LPP: variants seen among roughly 807,000 people sequenced by gnomAD.
LPP encodes lipoma-preferred partner.
A neutral mutation model predicts 60.4 loss-of-function variants in LPP; 38 were observed. That is an observed-to-expected ratio of 0.63 (90% confidence interval 0.49 to 0.83). The LOEUF (loss-of-function observed/expected upper bound fraction) is 0.83, where lower values mean the gene tolerates loss of function less well. Ranked by LOEUF, LPP falls within the 40% of genes least tolerant of loss-of-function variation. LPP has a pLI of 0.00. For synonymous variants in LPP, 328 were observed against 290.8 expected, an observed-to-expected ratio of 1.13 and a Z score of -1.30; for missense variants, 902 against 783.6, an observed-to-expected ratio of 1.15 and a Z score of -1.80.
At chr3:188,439,001 A>G (rs1403779601) in intron 4 of LPP, among the ~76,000 whole-genome samples, 3 of 152,240 alleles carry the variant, frequency 2.0e-5, no homozygotes, top group African/African-American at 7.2e-5. Flanking sequence ...CAGAGTATGT[A>G]TGGTCATTCT....
chr3:188,382,593 T>C (rs1469500913), intron 3 of LPP, among the ~76,000 whole-genome samples: 4 of 152,242 alleles, frequency 2.6e-5, no homozygotes. Flanking sequence ...TCCCACTCTC[T>C]GGGTTAACTC....
intron 7 of LPP, among the ~76,000 whole-genome samples, chr3:188,672,840 C>T (rs1339214284): frequency 6.6e-6 from 1 of 152,120 alleles, no homozygotes; most frequent in Non-Finnish European, 1.5e-5. Context: ...AGGTCTAAAC[C>T]CTGGGAGGAG....
At chr3:188,754,393 T>C (rs1225209736) in intron 8 of LPP, among the ~76,000 whole-genome samples, 1 of 152,244 alleles carries the variant, frequency 6.6e-6, no homozygotes, top group African/African-American at 2.4e-5. Context: ...ACATGTATTA[T>C]GATGCGTTAG....
intron 2 of LPP, among the ~76,000 whole-genome samples, chr3:188,230,134 A>G (rs188483728): frequency 6.6e-6 from 1 of 151,950 alleles, no homozygotes; most frequent in East Asian, 1.9e-4. Context: ...TTGCCAGGCC[A>G]GAGTGCGGTG....
intron 6 of LPP, chr3:188,562,439 C>T (rs1830955552): frequency 1.3e-5 from 2 of 151,952 alleles, no homozygotes; most frequent in Non-Finnish European, 2.9e-5. Context: ...TGAAGTCAAT[C>T]CTAGAAAGGA....
In LPP at chr3:188,406,007, T is replaced by C. The variant is rs546707656; in HGVS notation, c.-9-105T>C. 2.5e-5 allele frequency: 23 copies of C among 914,752 alleles called. No individual in the cohort carries two copies. In the South Asian group the frequency reaches 4.9e-4, roughly 19 times the overall value. 56.7% of individuals were successfully genotyped at this position (914,752 alleles called of 1,614,324 possible). On this transcript the variant is annotated intron_variant, in intron 3 of 11. Coordinates refer to ENST00000617246, the MANE Select transcript of LPP (RefSeq NM_001375462.1). ...TTTCACCCTTCTTTCCAGAGAACTTTATCAGGATGCATTTAGTATGGATTA... is the reference window on the plus strand; with the variant it reads ...TTTCACCCTTCTTTCCAGAGAACTTCATCAGGATGCATTTAGTATGGATTA...
intron 6 of LPP, among the ~76,000 whole-genome samples, chr3:188,566,702 GT>G: frequency 6.6e-6 from 1 of 151,944 alleles, no homozygotes; most frequent in Non-Finnish European, 1.5e-5. Context: ...TGCTTGAGTT[GT>G]GTGTTTTTTA....
chr3:188,346,230 G>C (rs1764314045), intron 3 of LPP, among the ~76,000 whole-genome samples: 2 of 148,066 alleles, frequency 1.4e-5, no homozygotes, highest in South Asian at 2.1e-4. Flanking sequence ...TCTGTCCAGG[G>C]ACCTGCCTAA....
At chr3:188,175,981 T>A (rs907951164) in intron 1 of LPP, among the ~76,000 whole-genome samples, 1 of 152,062 alleles carries the variant, frequency 6.6e-6, no homozygotes, top group African/African-American at 2.4e-5. Context: ...CATGACCAGA[T>A]GAGAGAGCCA....
At chr3:188,365,711 G>T (rs1328713091) in intron 3 of LPP, among the ~76,000 whole-genome samples, 8 of 139,116 alleles carry the variant, frequency 5.8e-5, no homozygotes, top group Admixed American at 1.4e-4. Flanking sequence ...TTACTCTGTT[G>T]AATGTTATCT....
chr3:188,546,074 G>C (rs1826578067), intron 6 of LPP, among the ~76,000 whole-genome samples: 1 of 152,064 alleles, frequency 6.6e-6, no homozygotes, highest in Non-Finnish European at 1.5e-5. Context: ...TGTATATTCT[G>C]TATTAAAGTT....
intron 6 of LPP, among the ~76,000 whole-genome samples, chr3:188,595,393 A>AC (rs1007531232): frequency 2.6e-5 from 4 of 152,038 alleles, no homozygotes; most frequent in Admixed American, 6.6e-5. Flanking sequence ...AAATGAATGA[A>AC]CCCCCATCAG....
chr3:188,500,507 A>G (rs776943938), intron 5 of LPP, among the ~76,000 whole-genome samples: 6 of 152,148 alleles, frequency 3.9e-5, no homozygotes, highest in African/African-American at 4.8e-5. Flanking sequence ...TTTTGCATCA[A>G]TGTTTATTAG....
At chr3:188,579,361 T>A (rs761731860) in intron 6 of LPP, among the ~76,000 whole-genome samples, 3 of 152,222 alleles carry the variant, frequency 2.0e-5, no homozygotes, top group Non-Finnish European at 4.4e-5. Flanking sequence ...TTCCACCCAA[T>A]CTCTATGACA....
intron 5 of LPP, among the ~76,000 whole-genome samples, chr3:188,521,971 T>C (rs1818988510): frequency 6.6e-6 from 1 of 152,240 alleles, no homozygotes; most frequent in African/African-American, 2.4e-5. Context: ...TGTCTTTCCT[T>C]GTACCAGGAC....
intron 2 of LPP, among the ~76,000 whole-genome samples, chr3:188,259,060 G>A (rs1382801936): frequency 1.3e-5 from 2 of 152,098 alleles, no homozygotes; most frequent in Non-Finnish European, 2.9e-5. Context: ...TTTCAACACA[G>A]AAGGGGTGTA....
At chr3:188,426,031 T>C (rs1167538421) in intron 4 of LPP, among the ~76,000 whole-genome samples, 1 of 152,236 alleles carries the variant, frequency 6.6e-6, no homozygotes, top group East Asian at 1.9e-4. Flanking sequence ...CTAGTTCTTT[T>C]AATTGCAACG....
At chr3:188,278,451 C>CTG (rs1185718396) in intron 2 of LPP, among the ~76,000 whole-genome samples, 1 of 152,190 alleles carries the variant, frequency 6.6e-6, no homozygotes, top group Non-Finnish European at 1.5e-5. Flanking sequence ...CAGAGACCTG[C>CTG]TGTGTGTGCT....
chr3:188,879,289 T>C lies in LPP; in HGVS notation c.*4810T>C, dbSNP rs962407763. 4.4e-6 allele frequency: 1 copy of C among 228,340 alleles called. No individual in the cohort carries two copies. Among genetic ancestry groups the C allele is most frequent in the Non-Finnish European group, 8.7e-6 (1 of 114,932 alleles). The allele number at this position is 228,340 out of a possible 1,614,324, so 14.1% of individuals were successfully genotyped here. A position where few individuals can be genotyped will look rare whatever the true frequency, so the allele number is the denominator to read the frequency against. On this transcript the variant is annotated 3_prime_UTR_variant, in exon 12 of 12. Coordinates refer to ENST00000617246, the MANE Select transcript of LPP (RefSeq NM_001375462.1). The stretch of plus-strand genomic sequence containing the variant: ...CTTTCTTCCTCTTCCTTCCTCCTCT[T>C]CTTATTTTCTTTCCTACTTTCCATC...
Sources: gnomAD v4.1 joint callset for allele counts (sites outside exome capture counted in the v4.1 genomes callset) on GRCh38, gnomAD v4.1.1 for gene constraint, MANE v1.5 for transcripts, NCBI Gene and HGNC (gene_info 2026-07-23, HGNC 2026-07-21) for gene names.